The following SORCS2 variants were observed in gnomAD, a reference collection of about 807,000 sequenced individuals.
SORCS2 encodes VPS10 domain-containing receptor SorCS2.
Under a neutral mutation model 141.6 loss-of-function variants are expected in SORCS2, and 100 were observed. That is an observed-to-expected ratio of 0.71 (90% CI 0.60 to 0.83). The LOEUF (loss-of-function observed/expected upper bound fraction) is 0.83, where lower values mean the gene tolerates loss of function less well. Among genes scored for constraint, SORCS2 ranks in the 40% least tolerant of loss-of-function variants. The pLI is 0.00. For synonymous variants in SORCS2, 789 were observed against 676.9 expected, an observed-to-expected ratio of 1.17 and a Z score of -2.57; for missense variants, 1,646 against 1,560.2, an observed-to-expected ratio of 1.05 and a Z score of -0.93.
intron 1 of SORCS2, among the ~76,000 whole-genome samples, chr4:7,222,876 C>T (rs1728793792): frequency 6.6e-6 from 1 of 152,078 alleles, no homozygotes; most frequent in Admixed American, 6.5e-5. Context: ...TGCAGGGAGG[C>T]TGGAAACCAT....
intron 3 of SORCS2, among the ~76,000 whole-genome samples, chr4:7,608,154 G>A (rs769141897): frequency 2.0e-5 from 3 of 152,174 alleles, no homozygotes; most frequent in Admixed American, 6.5e-5. Context: ...CAGAGCAGGA[G>A]TGTGGGTATT....
chr4:7,672,204 A>G (rs112582666), intron 8 of SORCS2, among the ~76,000 whole-genome samples: 2,613 of 152,292 alleles, frequency 0.017, 75 homozygotes, highest in African/African-American at 0.06. Flanking sequence ...CAGCCTCCCA[A>G]AGTGCTGGGA....
At chr4:7,576,581 A>G (rs1024309750) in intron 3 of SORCS2, among the ~76,000 whole-genome samples, 2 of 152,204 alleles carry the variant, frequency 1.3e-5, no homozygotes, top group African/African-American at 2.4e-5. Flanking sequence ...GTTGGCTGGG[A>G]AAAGACCCAA....
At chr4:7,480,679 A>T (rs1056861936) in intron 2 of SORCS2, among the ~76,000 whole-genome samples, 1 of 152,172 alleles carries the variant, frequency 6.6e-6, no homozygotes, top group Non-Finnish European at 1.5e-5. Context: ...GGCCAGAACC[A>T]TGTGTGATAT....
intron 3 of SORCS2, among the ~76,000 whole-genome samples, chr4:7,605,813 AG>A (rs1469967285): frequency 2.6e-5 from 4 of 152,016 alleles, no homozygotes; most frequent in African/African-American, 9.7e-5. Flanking sequence ...GGTGAGGAGC[AG>A]GGGGAACAGC....
chr4:7,455,689 G>A (rs1367200011), intron 2 of SORCS2, among the ~76,000 whole-genome samples: 5 of 145,972 alleles, frequency 3.4e-5, no homozygotes, highest in Non-Finnish European at 7.5e-5. Flanking sequence ...GGGGTCAGGT[G>A]CTGTGTTTGG....
At chr4:7,548,467 G>A (rs1430374716) in intron 3 of SORCS2, among the ~76,000 whole-genome samples, 2 of 152,196 alleles carry the variant, frequency 1.3e-5, no homozygotes, top group Non-Finnish European at 1.5e-5. Context: ...GGAAGCTGAA[G>A]CCAGGCACTC....
At position 7,387,973 on chromosome 4, in the gene SORCS2, CAG is replaced by C. The variant is rs1376612663; in HGVS notation, c.481-8311_481-8310del. Reference sequence around the variant, plus strand: ...ACACATGCACACACACACAGATACACAGAGATACACATGCACACATGCACACA... The same window carrying C: ...ACACATGCACACACACACAGATACACAGATACACATGCACACATGCACACA... On this transcript the variant is annotated intron_variant, in intron 1 of 26. Transcript: ENST00000507866. Among the ~76,000 whole-genome samples the C allele has an allele frequency of 2.1e-4, 32 of 150,826 alleles. No homozygotes were observed. The South Asian group carries it at 5.9e-3, about 28-fold the overall frequency.
At chr4:7,277,001 T>C (rs1387128684) in intron 1 of SORCS2, among the ~76,000 whole-genome samples, 9 of 152,226 alleles carry the variant, frequency 5.9e-5, no homozygotes, top group African/African-American at 2.2e-4. Flanking sequence ...TGTAGCTGTT[T>C]CCTGCTTCTG....
intron 3 of SORCS2, among the ~76,000 whole-genome samples, chr4:7,543,946 AT>A (rs1419708668): frequency 1.6e-4 from 21 of 132,894 alleles, no homozygotes; most frequent in African/African-American, 4.4e-4. Flanking sequence ...CCACCCATCC[AT>A]CCATCCATCC....
intron 1 of SORCS2, among the ~76,000 whole-genome samples, chr4:7,260,123 G>A (rs534614907): frequency 3.3e-5 from 5 of 152,288 alleles, no homozygotes; most frequent in South Asian, 4.1e-4. Context: ...TTCAGAACTC[G>A]GCAGCCAAGT....
chr4:7,731,866 A>T (rs182365393), intron 23 of SORCS2, among the ~76,000 whole-genome samples: 6 of 152,352 alleles, frequency 3.9e-5, no homozygotes, highest in Non-Finnish European at 7.3e-5. Flanking sequence ...AAGAAAACAT[A>T]GTGAAAAACT....
intron 3 of SORCS2, among the ~76,000 whole-genome samples, chr4:7,598,044 C>T (rs1324096179): frequency 6.6e-6 from 1 of 150,592 alleles, no homozygotes; most frequent in Admixed American, 6.6e-5. Context: ...TCTTGGCTCA[C>T]TGCAACCTCT....
chr4:7,563,589 C>A (rs1714754317), intron 3 of SORCS2, among the ~76,000 whole-genome samples: 1 of 152,152 alleles, frequency 6.6e-6, no homozygotes, highest in South Asian at 2.1e-4. Flanking sequence ...GGAATCTGAC[C>A]CAGCTCCCTT....
In SORCS2 at chr4:7,273,423, G is replaced by A. The variant is rs192820671; in HGVS notation, c.480+80297G>A. Reference sequence around the variant, plus strand: ...GCCACTTGCATCCATCATTGCTGGAGGGCTGCTTCTGGAACACGGGTGTCT... The same window carrying A: ...GCCACTTGCATCCATCATTGCTGGAAGGCTGCTTCTGGAACACGGGTGTCT... On this transcript the variant is annotated intron_variant, in intron 1 of 26. Coordinates refer to ENST00000507866, the MANE Select transcript of SORCS2 (RefSeq NM_020777.3). Among the ~76,000 whole-genome samples, 3 of 152,294 alleles carry A rather than the reference G, an allele frequency of 2.0e-5. No homozygotes were observed. The East Asian group carries it at 5.8e-4, about 29-fold the overall frequency.
intron 10 of SORCS2, among the ~76,000 whole-genome samples, chr4:7,689,036 G>A (rs547441336): frequency 1.1e-4 from 17 of 152,302 alleles, no homozygotes; most frequent in African/African-American, 3.6e-4. Flanking sequence ...GAATGAATAA[G>A]TATGAGCTTG....
At position 7,483,267 on chromosome 4, in the gene SORCS2, G is replaced by GA. The variant is rs200745945; in HGVS notation, c.549-48261dup. ...GAACCCGGGAGACGGAGGTTGAAGT[G>GA]AACCGAGATTGGGCCACTGCATTCC... is the stretch of plus-strand genomic sequence containing the variant. On this transcript the variant is annotated intron_variant, in intron 2 of 26. Coordinates refer to ENST00000507866, the MANE Select transcript of SORCS2 (RefSeq NM_020777.3). Among the ~76,000 whole-genome samples, 1,335 of 144,992 alleles carry GA rather than the reference G, an allele frequency of 9.2e-3. 21 individuals carry two copies. The highest frequency in any genetic ancestry group is 0.033 in the African/African-American group (1,279 of 38,534).
At chr4:7,620,975 C>A (rs145790191) in intron 3 of SORCS2, among the ~76,000 whole-genome samples, 1 of 152,138 alleles carries the variant, frequency 6.6e-6, no homozygotes, top group Non-Finnish European at 1.5e-5. Flanking sequence ...TGTGTTAGCC[C>A]ACCACCAAGA....
intron 3 of SORCS2, among the ~76,000 whole-genome samples, chr4:7,613,970 C>T (rs1718588697): frequency 6.6e-6 from 1 of 152,052 alleles, no homozygotes. Flanking sequence ...ATCCACCAGC[C>T]ATCCATCAAT....
Sources: allele counts gnomAD v4.1 joint callset (sites outside exome capture counted in the v4.1 genomes callset), GRCh38; gene constraint gnomAD v4.1.1; transcripts MANE v1.5; gene names NCBI Gene and HGNC (gene_info 2026-07-23, HGNC 2026-07-21).